Variants in RAPGEF2 observed in about 807,000 individuals in gnomAD.
RAPGEF2 encodes the protein PDZ domain containing guanine nucleotide exchange factor (GEF) 1.
RAPGEF2 carries 54 observed loss-of-function variants against 186.7 expected under a neutral mutation model. The ratio of observed to expected loss-of-function variants is 0.29; its 90% CI spans 0.23 to 0.36. The LOEUF (loss-of-function observed/expected upper bound fraction) is 0.36, where lower values mean the gene tolerates loss of function less well. Ranked by LOEUF, RAPGEF2 falls within the 10% of genes least tolerant of loss-of-function variation. The pLI, the probability that RAPGEF2 is intolerant of heterozygous loss-of-function variation, is 1.00. For synonymous variants in RAPGEF2, 712 were observed against 705.9 expected (o/e 1.01, Z -0.14); for missense variants, 1,532 against 2,045.0 (o/e 0.75, Z 4.84).
At chr4:159,255,968 T>C (rs1307812987) in intron 7 of RAPGEF2, among the ~76,000 whole-genome samples, 1 of 152,206 alleles carries the variant, frequency 6.6e-6, no homozygotes, top group Non-Finnish European at 1.5e-5. Context: ...AGACAATCTT[T>C]TAGTAAGCAT....
chr4:159,324,923 A>G (rs2111169027), intron 11 of RAPGEF2, among the ~76,000 whole-genome samples: 1 of 136,630 alleles, frequency 7.3e-6, no homozygotes, highest in East Asian at 1.9e-4. Flanking sequence ...TAAACAACCA[A>G]ATGATGTGAC....
rs571615634 is a variant in RAPGEF2 at position 159,287,849 on chromosome 4, C to T, written c.544-16493C>T. Among the ~76,000 whole-genome samples the T allele has an allele frequency of 5.3e-5, 8 of 152,228 alleles. No individual in the cohort carries two copies. In the East Asian group the frequency reaches 1.5e-3, roughly 29 times the overall value. ...ATAGCTAATTCACCTCTCTTGATAT[C>T]GGTTCCTACAGCTGTGAAATGTGAA... On this transcript the variant is annotated intron_variant, in intron 7 of 29. Transcript: ENST00000691494.
intron 1 of RAPGEF2, among the ~76,000 whole-genome samples, chr4:159,139,843 T>C (rs1314703693): frequency 6.6e-6 from 1 of 152,184 alleles, no homozygotes; most frequent in Non-Finnish European, 1.5e-5. Context: ...GTGCTAAAAG[T>C]AGATTCCTTC....
chr4:159,333,865 T>C (rs1168775384), intron 17 of RAPGEF2, among the ~76,000 whole-genome samples: 1 of 152,258 alleles, frequency 6.6e-6, no homozygotes, highest in African/African-American at 2.4e-5. Flanking sequence ...TATGCAGGAC[T>C]ATATCAAACA....
intron 17 of RAPGEF2, among the ~76,000 whole-genome samples, chr4:159,337,402 C>A (rs532502394): frequency 6.6e-6 from 1 of 152,242 alleles, no homozygotes; most frequent in East Asian, 1.9e-4. Flanking sequence ...CCAATTTCTT[C>A]AACTATTGAA....
chr4:159,268,813 C>T (rs1276504540), intron 7 of RAPGEF2, among the ~76,000 whole-genome samples: 1 of 151,962 alleles, frequency 6.6e-6, no homozygotes, highest in African/African-American at 2.4e-5. Context: ...GGGCAGCTAC[C>T]GAGAAAGACT....
chr4:159,148,397 ATTTC>A (rs1465974328), intron 1 of RAPGEF2, among the ~76,000 whole-genome samples: 4 of 152,218 alleles, frequency 2.6e-5, no homozygotes. Context: ...TTTAAAAATT[ATTTC>A]TTATATTTTG....
intron 7 of RAPGEF2, among the ~76,000 whole-genome samples, chr4:159,289,000 A>G (rs1460866666): frequency 1.3e-5 from 2 of 152,090 alleles, no homozygotes; most frequent in Non-Finnish European, 2.9e-5. Flanking sequence ...ATCACCATCT[A>G]TTACATGCTC....
At chr4:159,209,519 T>A (rs933532786) in intron 3 of RAPGEF2, among the ~76,000 whole-genome samples, 1 of 152,224 alleles carries the variant, frequency 6.6e-6, no homozygotes, top group Admixed American at 6.5e-5. Context: ...TGCTCAAATG[T>A]CTTCTCTATG....
At chr4:159,118,209 C>T (rs1393396152) in intron 1 of RAPGEF2, among the ~76,000 whole-genome samples, 2 of 152,114 alleles carry the variant, frequency 1.3e-5, no homozygotes, top group Non-Finnish European at 1.5e-5. Context: ...GCCTGAGCTC[C>T]GCCTCCTGTC....
At chr4:159,119,753 C>T (rs1158655444) in intron 1 of RAPGEF2, among the ~76,000 whole-genome samples, 1 of 152,110 alleles carries the variant, frequency 6.6e-6, no homozygotes, top group East Asian at 1.9e-4. Context: ...TATTATAAAA[C>T]ACTGTCTGTA....
chr4:159,165,589 T>C (rs966774463), intron 1 of RAPGEF2, among the ~76,000 whole-genome samples: 13 of 152,234 alleles, frequency 8.5e-5, no homozygotes, highest in Non-Finnish European at 1.9e-4. Flanking sequence ...GCATGTTGGA[T>C]ACTGGACATC....
chr4:159,248,527 GAA>G (rs1370998876), intron 7 of RAPGEF2, among the ~76,000 whole-genome samples: 1 of 152,152 alleles, frequency 6.6e-6, no homozygotes, highest in Non-Finnish European at 1.5e-5. Context: ...GCTCCCTGTG[GAA>G]AAGTCTCTGA....
At chr4:159,143,207 C>T (rs1254186210) in intron 1 of RAPGEF2, among the ~76,000 whole-genome samples, 1 of 152,040 alleles carries the variant, frequency 6.6e-6, no homozygotes, top group Non-Finnish European at 1.5e-5. Flanking sequence ...AGCTACTGCA[C>T]TCCAGACTGG....
intron 21 of RAPGEF2, 32 bp from the exon 22 acceptor site, chr4:159,343,249 G>A (rs1026048671): frequency 5.0e-6 from 8 of 1,613,920 alleles, no homozygotes; most frequent in Non-Finnish European, 6.8e-6. Context: ...TAAATGCCAT[G>A]TGATTTCCTT....
At chr4:159,283,120 G>T (rs6848706) in intron 7 of RAPGEF2, among the ~76,000 whole-genome samples, 46,076 of 151,714 alleles carry the variant, frequency 0.3, 7,780 homozygotes, top group Non-Finnish European at 0.39. Context: ...AAGCTCTTAA[G>T]GCTTAAGCAA....
At chr4:159,253,836 T>C (rs902609401) in intron 7 of RAPGEF2, among the ~76,000 whole-genome samples, 134 of 151,988 alleles carry the variant, frequency 8.8e-4, no homozygotes, top group African/African-American at 2.9e-3. Context: ...GGTGTGGTGG[T>C]GGGCGCCTGT....
chr4:159,115,781 C>T, intron 1 of RAPGEF2, among the ~76,000 whole-genome samples: 1 of 152,154 alleles, frequency 6.6e-6, no homozygotes, highest in South Asian at 2.1e-4. Flanking sequence ...AATAAGACCA[C>T]ACACCTACAA....
At chr4:159,199,436 A>G (rs985254408) in intron 3 of RAPGEF2, among the ~76,000 whole-genome samples, 5 of 151,614 alleles carry the variant, frequency 3.3e-5, no homozygotes, top group African/African-American at 9.7e-5. Context: ...TCTCATGCCT[A>G]CCATGGAAAT....
Sources: gnomAD v4.1 joint callset for allele counts (sites outside exome capture counted in the v4.1 genomes callset) on GRCh38, gnomAD v4.1.1 for gene constraint, MANE v1.5 for transcripts, NCBI Gene and HGNC (gene_info 2026-07-23, HGNC 2026-07-21) for gene names.